PXK: variants seen among roughly 807,000 people sequenced by gnomAD.
The protein encoded by PXK is PX domain containing serine/threonine kinase like.
In PXK, 35 loss-of-function variants were observed where a neutral mutation model predicts 84.7. That is an observed-to-expected ratio of 0.41 (90% CI 0.32 to 0.55). The LOEUF is 0.55. PXK is among the 20% of genes least tolerant of loss of function. The pLI is 0.21. For missense variants in PXK, 634 were observed against 699.7 expected (o/e 0.91, Z 1.06); for synonymous variants, 253 against 260.8 (o/e 0.97, Z 0.29).
At chr3:58,404,124 T>C (rs2059028608) in intron 13 of PXK, among the ~76,000 whole-genome samples, 1 of 152,162 alleles carries the variant, frequency 6.6e-6, no homozygotes, top group Admixed American at 6.5e-5. Context: ...TGTAGTAATA[T>C]GGAAAATGAT....
chr3:58,362,472 T>C (rs980334946), intron 1 of PXK, among the ~76,000 whole-genome samples: 5 of 152,322 alleles, frequency 3.3e-5, no homozygotes, highest in Admixed American at 2.0e-4. Context: ...GAATCTTAGG[T>C]TGAGGTTCAT....
chr3:58,336,863 T>G (rs2097627258), intron 1 of PXK, among the ~76,000 whole-genome samples: 1 of 152,036 alleles, frequency 6.6e-6, no homozygotes, highest in Non-Finnish European at 1.5e-5. Flanking sequence ...CAGACTAGAG[T>G]GCAGGTCGCA....
chr3:58,359,858 T>A (rs1464761508), intron 1 of PXK, among the ~76,000 whole-genome samples: 1 of 152,088 alleles, frequency 6.6e-6, no homozygotes, highest in African/African-American at 2.4e-5. Flanking sequence ...CTTAAGAGAT[T>A]TGCCTGAGGC....
intron 4 of PXK, among the ~76,000 whole-genome samples, chr3:58,388,667 CACAT>C: frequency 1.1e-4 from 1 of 8,826 alleles, no homozygotes; most frequent in Non-Finnish European, 3.4e-4. Flanking sequence ...ATTTGGTCAT[CACAT>C]ATCACATCAC....
At chr3:58,410,977 G>A (rs1415894146) in intron 16 of PXK, among the ~76,000 whole-genome samples, 2 of 152,196 alleles carry the variant, frequency 1.3e-5, no homozygotes, top group South Asian at 2.1e-4. Flanking sequence ...GCACCATGGC[G>A]GGTAGAAAGC....
chr3:58,363,341 A>G (rs1212057416), intron 1 of PXK, among the ~76,000 whole-genome samples: 1 of 152,104 alleles, frequency 6.6e-6, no homozygotes, highest in Non-Finnish European at 1.5e-5. Flanking sequence ...AACTCAATTA[A>G]TTAATTAATG....
At chr3:58,406,155 TG>T (rs1409967586) in intron 13 of PXK, among the ~76,000 whole-genome samples, 3 of 152,028 alleles carry the variant, frequency 2.0e-5, no homozygotes. Context: ...TTAGTAGAGA[TG>T]GGGTTTCATT....
In PXK at chr3:58,333,676, G is replaced by C. The variant is rs533883404; in HGVS notation, c.102+586G>C. On this transcript the variant is annotated intron_variant, in intron 1 of 17. Transcript: ENST00000356151. The surrounding 1 kb of genome is among the most constrained non-coding windows in gnomAD (Gnocchi z 5.4). Reference sequence around the variant, plus strand: ...AAGTGGTGGGGGCGGCAGTCGGGGCGCTGTTAAGCAGGTGTATGAATGTGC... The same window carrying C: ...AAGTGGTGGGGGCGGCAGTCGGGGCCCTGTTAAGCAGGTGTATGAATGTGC... 6.1e-5 allele frequency: 28 copies of C among 456,410 alleles called. No homozygotes were observed. The Admixed American group carries it at 6.3e-4, about 10-fold the overall frequency. The allele number at this position is 456,410 out of a possible 1,614,324, so 28.3% of individuals were successfully genotyped here.
intron 1 of PXK, among the ~76,000 whole-genome samples, chr3:58,354,158 C>T (rs2098010487): frequency 1.3e-5 from 2 of 152,286 alleles, no homozygotes; most frequent in East Asian, 3.9e-4. Flanking sequence ...GACTCATTTC[C>T]TCCAGCAGAG....
chr3:58,368,612 G>T (rs116671145), intron 2 of PXK, among the ~76,000 whole-genome samples: 2,150 of 152,290 alleles, frequency 0.014, 61 homozygotes, highest in African/African-American at 0.049. Context: ...ACAAGCCACT[G>T]TGCCCAGCCC....
At chr3:58,403,357 TA>T (rs1267090308) in intron 12 of PXK, among the ~76,000 whole-genome samples, 3 of 152,316 alleles carry the variant, frequency 2.0e-5, no homozygotes, top group Non-Finnish European at 4.4e-5. Context: ...CTACTACTTT[TA>T]AAAATGAAGT....
At chr3:58,371,848 T>G (rs991708949) in intron 3 of PXK, among the ~76,000 whole-genome samples, 1 of 152,354 alleles carries the variant, frequency 6.6e-6, no homozygotes, top group East Asian at 1.9e-4. Flanking sequence ...GAGGTTTTTC[T>G]GGATTCAAGT....
chr3:58,372,781 C>T (rs2098395178), intron 3 of PXK, among the ~76,000 whole-genome samples: 1 of 151,964 alleles, frequency 6.6e-6, no homozygotes, highest in South Asian at 2.1e-4. Context: ...CACGTGCCAC[C>T]ATGCCCGGCT....
In PXK at chr3:58,333,424, G is replaced by A. The variant is rs181716381; in HGVS notation, c.102+334G>A. The A allele has an allele frequency of 6.8e-4, 236 of 346,100 alleles. 1 individual carries two copies. The highest frequency in any genetic ancestry group is 4.6e-3 in the African/African-American group (218 of 47,810). 21.4% of individuals were successfully genotyped at this position (346,100 alleles called of 1,614,324 possible). A position where few individuals can be genotyped will look rare whatever the true frequency, so the allele number is the denominator to read the frequency against. ...CCCGGGCTCACCTTGGACTAGGGGA[G>A]CAGGAACGAGACCGCTCAGGACCAT... is the stretch of plus-strand genomic sequence containing the variant. On this transcript the variant is annotated intron_variant, in intron 1 of 17. Transcript: ENST00000356151. This position sits in a 1 kb window ranked among gnomAD's most constrained non-coding sequence, Gnocchi z 5.4.
At chr3:58,349,927 GT>G (rs1231177590) in intron 1 of PXK, among the ~76,000 whole-genome samples, 1 of 152,172 alleles carries the variant, frequency 6.6e-6, no homozygotes, top group Non-Finnish European at 1.5e-5. Context: ...AGCCATTGGG[GT>G]TTTGTGACTA....
intron 1 of PXK, among the ~76,000 whole-genome samples, chr3:58,347,492 T>A (rs1177587560): frequency 1.3e-5 from 2 of 152,238 alleles, no homozygotes; most frequent in African/African-American, 2.4e-5. Flanking sequence ...TCTTATACAA[T>A]ATAGTCTTTT....
rs1282119166 is a variant in PXK, at chr3:58,370,373, G to T, written c.201+895G>T. The stretch of plus-strand genomic sequence containing the variant: ...TCCAAGAGGGGCTTTAGCACCTTAG[G>T]AAGTCCTGCCAATACCCGCCATGTC... On this transcript the variant is annotated intron_variant, in intron 3 of 17. Transcript: ENST00000356151. This position sits in a 1 kb window ranked among gnomAD's most constrained non-coding sequence, Gnocchi z 4.2. Among the ~76,000 whole-genome samples the T allele has an allele frequency of 6.6e-6, 1 of 152,166 alleles. No individual in the cohort carries two copies. The highest frequency in any genetic ancestry group is 2.4e-5 in the African/African-American group (1 of 41,438).
At chr3:58,423,775 G>GGAAC (rs1388107642) in intron 17 of PXK, among the ~76,000 whole-genome samples, 1 of 151,322 alleles carries the variant, frequency 6.6e-6, no homozygotes, top group African/African-American at 2.4e-5. Context: ...CTGTGGCACA[G>GGAAC]GAACATTCTT....
chr3:58,390,558 T>C lies in PXK; in HGVS notation c.389-24T>C, dbSNP rs773683259. On this transcript the variant is annotated intron_variant, in intron 4 of 17. Transcript: ENST00000356151. The surrounding 1 kb of genome is among the most constrained non-coding windows in gnomAD (Gnocchi z 4.2). ...GCCCTTTCCTGATATGTCTGACTAA[T>C]GGGTTTCTAAAATGTCTTTGCAGAG... 68 of 1,597,246 alleles carry C rather than the reference T, an allele frequency of 4.3e-5. No homozygotes were observed. The Middle Eastern group carries it at 5.0e-4, about 12-fold the overall frequency.
Sources: allele counts gnomAD v4.1 joint callset (sites outside exome capture counted in the v4.1 genomes callset), GRCh38; gene constraint gnomAD v4.1.1; non-coding constraint Gnocchi (gnomAD v3.1); transcripts MANE v1.5; gene names NCBI Gene and HGNC (gene_info 2026-07-23, HGNC 2026-07-21).